FYB1: variants seen among roughly 807,000 people sequenced by gnomAD.
The protein encoded by FYB1 is FYN-binding protein 1.
FYB1 carries 41 observed loss-of-function variants against 94.1 expected under a neutral mutation model. That is an observed-to-expected ratio of 0.44 (90% CI 0.34 to 0.57). The LOEUF (loss-of-function observed/expected upper bound fraction) is 0.57. FYB1 is among the 20% of genes least tolerant of loss of function. FYB1 has a pLI of 0.02. For synonymous variants in FYB1, 367 were observed against 353.2 expected (o/e 1.04, Z -0.44); for missense variants, 1,050 against 976.8 (o/e 1.07, Z -1.00).
chr5:39,135,609 C>T lies in FYB1; in HGVS notation c.1516-595G>A, dbSNP rs112587996. Reference sequence around the variant, plus strand: ...ATCCTAAACTCTTAATTTTCTAATCCTAAATTGGTGTCTTTTCAACAGAAT... The same window carrying T: ...ATCCTAAACTCTTAATTTTCTAATCTTAAATTGGTGTCTTTTCAACAGAAT... On this transcript the variant is annotated intron_variant, in intron 7 of 18. Coordinates refer to ENST00000512982, the MANE Select transcript of FYB1 (RefSeq NM_001465.6). 9.9e-5 allele frequency among the ~76,000 whole-genome samples: 15 copies of T among 152,162 alleles called. 1 individual carries two copies. Among genetic ancestry groups the T allele is most frequent in the African/African-American group, 3.4e-4 (14 of 41,504 alleles).
chr5:39,166,246 G>T (rs1169593741), intron 2 of FYB1, among the ~76,000 whole-genome samples: 2 of 152,148 alleles, frequency 1.3e-5, no homozygotes, highest in East Asian at 3.9e-4. Flanking sequence ...AGACCAGCCT[G>T]ACCAACATGG....
chr5:39,213,568 C>T (rs755904675), intron 1 of FYB1, among the ~76,000 whole-genome samples: 13 of 152,174 alleles, frequency 8.5e-5, no homozygotes, highest in Non-Finnish European at 1.8e-4. Context: ...CCAAAACATC[C>T]TGATTGACTT....
chr5:39,211,883 T>C (rs1271425313), intron 1 of FYB1, among the ~76,000 whole-genome samples: 1 of 152,132 alleles, frequency 6.6e-6, no homozygotes, highest in African/African-American at 2.4e-5. Context: ...ATTGTCTACA[T>C]GGAGTGAAGT....
At chr5:39,218,202 T>C (rs1378361454) in intron 1 of FYB1, among the ~76,000 whole-genome samples, 1 of 152,226 alleles carries the variant, frequency 6.6e-6, no homozygotes, top group Non-Finnish European at 1.5e-5. Flanking sequence ...TTGAAACGGA[T>C]GGTCAACTTT....
At chr5:39,119,151 G>C in intron 15 of FYB1, 115 bp from the exon 16 acceptor site, 1 of 512,796 alleles carries the variant, frequency 2.0e-6, no homozygotes, top group Non-Finnish European at 3.2e-6. Flanking sequence ...CAGTGTTTTC[G>C]AAATATAATG....
intron 1 of FYB1, among the ~76,000 whole-genome samples, chr5:39,255,366 AT>A (rs1172354665): frequency 6.6e-6 from 1 of 151,706 alleles, no homozygotes; most frequent in East Asian, 1.9e-4. Context: ...TGCCACCTAC[AT>A]TCTCTAATGG....
intron 2 of FYB1, among the ~76,000 whole-genome samples, chr5:39,180,254 T>G (rs1273553376): frequency 2.0e-5 from 3 of 152,234 alleles, no homozygotes; most frequent in Non-Finnish European, 2.9e-5. Context: ...GAAAGTAATT[T>G]CAGACTCTAG....
intron 2 of FYB1, among the ~76,000 whole-genome samples, chr5:39,171,776 C>A (rs1745266882): frequency 6.6e-6 from 1 of 152,166 alleles, no homozygotes; most frequent in Non-Finnish European, 1.5e-5. Context: ...ATTTCATTGT[C>A]TGAGAGTTCC....
intron 2 of FYB1, among the ~76,000 whole-genome samples, chr5:39,153,922 C>A (rs375999823): frequency 2.0e-5 from 3 of 151,846 alleles, no homozygotes; most frequent in South Asian, 4.2e-4. Context: ...TACACGCGTG[C>A]ACCACAATGC....
At chr5:39,232,713 C>T (rs1750798763) in intron 1 of FYB1, among the ~76,000 whole-genome samples, 1 of 140,594 alleles carries the variant, frequency 7.1e-6, no homozygotes, top group Admixed American at 7.1e-5. Flanking sequence ...GCTAACCCTC[C>T]CCCCTCCCCC....
Position 39,199,652 on chromosome 5 carries a change from G to A in FYB1, c.1135+2174C>T, listed in dbSNP as rs138033691. Among the ~76,000 whole-genome samples the A allele has an allele frequency of 4.1e-3, 624 of 152,178 alleles. 1 individual carries two copies. Among genetic ancestry groups the A allele is most frequent in the Non-Finnish European group, 7.1e-3 (484 of 68,006 alleles). On this transcript the variant is annotated intron_variant, in intron 2 of 18. Transcript: ENST00000512982. Reference sequence around the variant, plus strand: ...TACTTCATGAGTAAAAAGCCGGGGTGGGGGGTAGTATTTATGTTCATATTT... The same window carrying A: ...TACTTCATGAGTAAAAAGCCGGGGTAGGGGGTAGTATTTATGTTCATATTT...
chr5:39,107,448 C>A lies in FYB1; in HGVS notation c.2485G>T (p.Asp829Tyr). 2 of 1,528,000 alleles carry A rather than the reference C, an allele frequency of 1.3e-6. No individual in the cohort carries two copies. Among genetic ancestry groups the A allele is most frequent in the South Asian group, 1.3e-5 (1 of 78,012 alleles). The allele number at this position is 1,528,000 out of a possible 1,614,324, so 94.7% of individuals were successfully genotyped here. A position where few individuals can be genotyped will look rare whatever the true frequency, so the allele number is the denominator to read the frequency against. ...AGAATGACCAAAGTTGAGTGCTAGT[C>A]ATTGTCATAGATGCAGCCTGAAAGG... ...DIADGCIYDN[D>Y] The change falls in exon 19 of 19, where the codon GAC (aspartate) becomes TAC (tyrosine). Residue 829 changes from aspartate (D) to tyrosine (Y), a missense_variant. By Grantham distance (160) the Asp-to-Tyr change is radical. Coordinates refer to ENST00000512982, the MANE Select transcript of FYB1 (RefSeq NM_001465.6).
chr5:39,124,325 C>G, intron 12 of FYB1, 47 bp from the exon 13 acceptor site: 1 of 1,383,486 alleles, frequency 7.2e-7, no homozygotes, highest in Non-Finnish European at 9.8e-7. Flanking sequence ...AACATGAACA[C>G]AGAAATTGAT....
At chr5:39,128,058 G>A (rs775748619) in intron 10 of FYB1, among the ~76,000 whole-genome samples, 2 of 152,028 alleles carry the variant, frequency 1.3e-5, no homozygotes, top group Non-Finnish European at 2.9e-5. Context: ...AAAAACATGA[G>A]AAAAAGTAAA....
chr5:39,185,053 C>T (rs572916888), intron 2 of FYB1, among the ~76,000 whole-genome samples: 14 of 152,130 alleles, frequency 9.2e-5, no homozygotes, highest in South Asian at 4.1e-4. Flanking sequence ...ATGTTATTAG[C>T]GTTTATACTT....
intron 3 of FYB1, among the ~76,000 whole-genome samples, chr5:39,148,099 C>T (rs1742847720): frequency 7.0e-6 from 1 of 143,474 alleles, no homozygotes; most frequent in East Asian, 2.1e-4. Flanking sequence ...ATGCCCGGCT[C>T]CTGCAATTCT....
chr5:39,272,616 G>A (rs1752697837), intron 1 of FYB1, among the ~76,000 whole-genome samples: 1 of 144,356 alleles, frequency 6.9e-6, no homozygotes, highest in Admixed American at 7.1e-5. Flanking sequence ...AGCTTGCAGT[G>A]AGCCGAGATT....
At chr5:39,116,873 C>G (rs1352328769) in intron 16 of FYB1, among the ~76,000 whole-genome samples, 2 of 151,922 alleles carry the variant, frequency 1.3e-5, no homozygotes, top group Non-Finnish European at 2.9e-5. Flanking sequence ...GACCTCACAT[C>G]TGCAATTTCA....
chr5:39,207,091 A>G (rs1367898978), intron 1 of FYB1, among the ~76,000 whole-genome samples: 1 of 152,126 alleles, frequency 6.6e-6, no homozygotes, highest in Non-Finnish European at 1.5e-5. Flanking sequence ...TTGGGCTTCT[A>G]CTTATTCATC....
Sources: allele counts gnomAD v4.1 joint callset (sites outside exome capture counted in the v4.1 genomes callset), GRCh38; gene constraint gnomAD v4.1.1; transcripts MANE v1.5; gene names NCBI Gene and HGNC (gene_info 2026-07-23, HGNC 2026-07-21).